Variants in SYCP1 observed in about 807,000 individuals in gnomAD.
The protein encoded by SYCP1 is synaptonemal complex protein 1, also known as cancer/testis antigen 8.
Under a neutral mutation model 153.1 loss-of-function variants are expected in SYCP1, and 64 were observed. That is an observed-to-expected ratio of 0.42 (90% CI 0.34 to 0.51). The LOEUF is 0.51. SYCP1 is among the 20% of genes least tolerant of loss of function. The pLI, the probability that SYCP1 is intolerant of heterozygous loss-of-function variation, is 0.06. For synonymous variants in SYCP1, 384 were observed against 341.8 expected (o/e 1.12, Z -1.36); for missense variants, 997 against 1,049.0 (o/e 0.95, Z 0.68).
intron 12 of SYCP1, among the ~76,000 whole-genome samples, chr1:114,879,200 A>G (rs914379896): frequency 4.6e-5 from 7 of 152,172 alleles, no homozygotes; most frequent in African/African-American, 1.4e-4. Context: ...ACGGCAGGAC[A>G]CTTAGAAGGC....
chr1:114,954,212 C>T (rs181518802), intron 27 of SYCP1, among the ~76,000 whole-genome samples: 25 of 152,092 alleles, frequency 1.6e-4, no homozygotes, highest in African/African-American at 3.4e-4. Flanking sequence ...ATTTTTTTGA[C>T]GTGAGAACAT....
At chr1:114,915,437 G>C (rs538266713) in intron 20 of SYCP1, among the ~76,000 whole-genome samples, 52 of 152,260 alleles carry the variant, frequency 3.4e-4, no homozygotes, top group Non-Finnish European at 6.2e-4. Flanking sequence ...AAGGCTTTGT[G>C]CAGGAAAAGT....
intron 23 of SYCP1, among the ~76,000 whole-genome samples, chr1:114,928,112 T>C (rs1033568108): frequency 2.6e-5 from 4 of 152,162 alleles, no homozygotes; most frequent in Non-Finnish European, 4.4e-5. Flanking sequence ...TGAGTGACTG[T>C]GCCTGACCTG....
chr1:114,855,932 A>G (rs559870096), intron 2 of SYCP1, among the ~76,000 whole-genome samples: 53 of 152,196 alleles, frequency 3.5e-4, no homozygotes, highest in South Asian at 1.2e-3. Context: ...ATTTGGACAA[A>G]TGCCTATATA....
At chr1:114,895,386 C>T in intron 15 of SYCP1, 62 bp from the exon 16 acceptor site, 1 of 1,114,226 alleles carries the variant, frequency 9.0e-7, no homozygotes, top group East Asian at 2.6e-5. Context: ...CTTGTTCCTT[C>T]TGTCTCTTTT....
intron 8 of SYCP1, among the ~76,000 whole-genome samples, chr1:114,869,325 G>A (rs1055742628): frequency 6.6e-6 from 1 of 152,144 alleles, no homozygotes; most frequent in Non-Finnish European, 1.5e-5. Context: ...TATTCTCCAA[G>A]CATTTTGTGA....
chr1:114,950,692 A>G (rs1671038847), intron 27 of SYCP1, among the ~76,000 whole-genome samples: 1 of 152,182 alleles, frequency 6.6e-6, no homozygotes, highest in South Asian at 2.1e-4. Flanking sequence ...GCTGTAAAAT[A>G]TAGTCAGTAT....
chr1:114,911,240 A>G (rs1668155769), intron 17 of SYCP1, among the ~76,000 whole-genome samples: 1 of 152,064 alleles, frequency 6.6e-6, no homozygotes, highest in African/African-American at 2.4e-5. Flanking sequence ...TTTATAGCAT[A>G]TAAATGTTTT....
At chr1:114,900,107 A>G (rs746396173) in intron 16 of SYCP1, among the ~76,000 whole-genome samples, 6 of 152,218 alleles carry the variant, frequency 3.9e-5, no homozygotes, top group Non-Finnish European at 8.8e-5. Flanking sequence ...TGCTCAATTT[A>G]CAGAAAAACC....
chr1:114,963,914 G>A (rs953937215), intron 27 of SYCP1, among the ~76,000 whole-genome samples: 1 of 152,130 alleles, frequency 6.6e-6, no homozygotes, highest in South Asian at 2.1e-4. Context: ...GGGTCAAATG[G>A]TATTTCTGGT....
At chr1:114,987,276 A>G (rs1481653920) in intron 30 of SYCP1, among the ~76,000 whole-genome samples, 2 of 152,056 alleles carry the variant, frequency 1.3e-5, no homozygotes, top group Admixed American at 6.6e-5. Flanking sequence ...ACAGTAAAAC[A>G]AAAGAAAACA....
chr1:114,922,284 TG>T (rs1432547915), intron 20 of SYCP1, among the ~76,000 whole-genome samples: 6 of 152,172 alleles, frequency 3.9e-5, no homozygotes, highest in African/African-American at 1.4e-4. Context: ...CTTTTGAGGC[TG>T]TTTTCTAGAT....
At chr1:114,927,713 GT>G (rs1308644562) in intron 23 of SYCP1, among the ~76,000 whole-genome samples, 1 of 151,972 alleles carries the variant, frequency 6.6e-6, no homozygotes, top group East Asian at 1.9e-4. Context: ...CAGAAGAAGA[GT>G]TTTTAAAAGA....
In SYCP1 at chr1:114,892,458, G is replaced by A. The variant is rs1312214064; in HGVS notation, c.1259-2990G>A. Among the ~76,000 whole-genome samples the A allele has an allele frequency of 7.9e-5, 12 of 152,212 alleles. 1 individual carries two copies. The South Asian group carries it at 2.3e-3, about 29-fold the overall frequency. Reference sequence around the variant, plus strand: ...AGCTGTCCGTGAGCCTGTACTCAGGGCATGTGACCCCGCTGCTGGGGGCAG... The same window carrying A: ...AGCTGTCCGTGAGCCTGTACTCAGGACATGTGACCCCGCTGCTGGGGGCAG... On this transcript the variant is annotated intron_variant, in intron 15 of 31. Coordinates refer to ENST00000369522, the MANE Select transcript of SYCP1 (RefSeq NM_003176.4).
intron 23 of SYCP1, among the ~76,000 whole-genome samples, chr1:114,943,326 G>C (rs1362159823): frequency 6.6e-6 from 1 of 151,836 alleles, no homozygotes; most frequent in Admixed American, 6.6e-5. Flanking sequence ...GTGTGTACCA[G>C]TCCCAAAATG....
At chr1:114,975,956 G>A (rs1672769715) in intron 27 of SYCP1, among the ~76,000 whole-genome samples, 1 of 151,672 alleles carries the variant, frequency 6.6e-6, no homozygotes, top group Non-Finnish European at 1.5e-5. Flanking sequence ...AAAAAAATGA[G>A]CACAAGATAG....
chr1:114,937,757 A>C (rs890163545), intron 23 of SYCP1, among the ~76,000 whole-genome samples: 3 of 152,360 alleles, frequency 2.0e-5, no homozygotes, highest in African/African-American at 7.2e-5. Context: ...GACACTTCTC[A>C]AAAGAAGACA....
At chr1:114,857,947 G>A (rs1284730571) in intron 5 of SYCP1, among the ~76,000 whole-genome samples, 1 of 151,928 alleles carries the variant, frequency 6.6e-6, no homozygotes, top group Non-Finnish European at 1.5e-5. Context: ...GTTTGTTGCT[G>A]TGATTATGGT....
chr1:114,908,936 A>G (rs565015142), intron 16 of SYCP1, among the ~76,000 whole-genome samples: 1 of 152,258 alleles, frequency 6.6e-6, no homozygotes, highest in East Asian at 1.9e-4. Flanking sequence ...AGGTTATATT[A>G]TGTAGATTCT....
Sources: gnomAD v4.1 joint callset for allele counts (sites outside exome capture counted in the v4.1 genomes callset) on GRCh38, gnomAD v4.1.1 for gene constraint, MANE v1.5 for transcripts, NCBI Gene and HGNC (gene_info 2026-07-23, HGNC 2026-07-21) for gene names.